The following DNAI4 variants were observed in gnomAD, a reference collection of about 807,000 sequenced individuals.
DNAI4 encodes the protein WD repeat domain 78.
In DNAI4, 85 loss-of-function variants were observed where a neutral mutation model predicts 105.8. That is an observed-to-expected ratio of 0.80 (90% CI 0.67 to 0.96). DNAI4 has a LOEUF of 0.96. Among genes scored for constraint, DNAI4 ranks in the 40% least tolerant of loss-of-function variants. DNAI4 has a pLI of 0.00. For missense variants in DNAI4, 1,014 were observed against 1,005.6 expected (o/e 1.01, Z -0.11); for synonymous variants, 352 against 331.5 (o/e 1.06, Z -0.67).
At chr1:66,924,215 G>C (rs34896951) in intron 1 of DNAI4, among the ~76,000 whole-genome samples, 1 of 152,242 alleles carries the variant, frequency 6.6e-6, no homozygotes, top group South Asian at 2.1e-4. Context: ...CTGTTGCTCA[G>C]GCTCGAGTGC....
chr1:66,856,954 A>G (rs567756863), intron 7 of DNAI4, among the ~76,000 whole-genome samples: 4 of 152,086 alleles, frequency 2.6e-5, no homozygotes, highest in African/African-American at 4.8e-5. Flanking sequence ...ATAAACCTAA[A>G]GCAAGCAGAA....
At chr1:66,814,421 T>G (rs1572571455) in intron 16 of DNAI4, among the ~76,000 whole-genome samples, 1 of 151,880 alleles carries the variant, frequency 6.6e-6, no homozygotes, top group Non-Finnish European at 1.5e-5. Context: ...CAGGCTGGAG[T>G]GCAGTGGTGC....
intron 9 of DNAI4, among the ~76,000 whole-genome samples, chr1:66,839,916 G>A (rs922071444): frequency 1.3e-5 from 2 of 152,098 alleles, no homozygotes. Flanking sequence ...AAAAATAATA[G>A]TACCTAATTC....
chr1:66,818,853 C>T (rs1358809604), intron 16 of DNAI4, among the ~76,000 whole-genome samples: 2 of 152,084 alleles, frequency 1.3e-5, no homozygotes, highest in African/African-American at 4.8e-5. Context: ...GCAGAGGTTG[C>T]AGTGAGCCAA....
rs144804148 is a variant in DNAI4, at chr1:66,845,499, T to C, written c.1291+1985A>G. 4.4e-4 allele frequency among the ~76,000 whole-genome samples: 67 copies of C among 152,296 alleles called. 2 individuals are homozygous for C. The East Asian group carries it at 6.8e-3, about 15-fold the overall frequency. ...TATTCCCAATAATCCAATAATCCCA[T>C]TTGTAGGTATTTTCACAAGAAAAAT... On this transcript the variant is annotated intron_variant, in intron 8 of 16. Transcript: ENST00000371026.
chr1:66,819,365 A>T (rs1253920872), intron 16 of DNAI4, among the ~76,000 whole-genome samples: 1 of 152,058 alleles, frequency 6.6e-6, no homozygotes, highest in Non-Finnish European at 1.5e-5. Context: ...TCCTCTTCCC[A>T]TTCACCTTCC....
In DNAI4 at chr1:66,827,798, A is replaced by AT; in HGVS notation, c.2112+13dup. 1 of 1,442,968 alleles carries AT rather than the reference A, an allele frequency of 6.9e-7. No homozygotes were observed. Among genetic ancestry groups the AT allele is most frequent in the Non-Finnish European group, 9.5e-7 (1 of 1,054,596 alleles). The allele number at this position is 1,442,968 out of a possible 1,614,324, so 89.4% of individuals were successfully genotyped here. On this transcript the variant is annotated intron_variant, in intron 14 of 16. Transcript: ENST00000371026. ...TACAAAATAAATGTTCCAACCTACT[A>AT]TAATTAAACTAACCTTATGTCCTCT...
intron 13 of DNAI4, 40 bp downstream of exon 13, chr1:66,833,545 A>G: frequency 6.2e-7 from 1 of 1,600,440 alleles, no homozygotes; most frequent in Non-Finnish European, 8.5e-7. Flanking sequence ...ATTTTTGGAA[A>G]TTGTTATGTC....
intron 8 of DNAI4, among the ~76,000 whole-genome samples, chr1:66,845,217 T>TAAAAA (rs869249698): frequency 2.9e-4 from 11 of 38,080 alleles, no homozygotes; most frequent in East Asian, 5.7e-4. Context: ...AAAGAAAAAT[T>TAAAAA]AAAAAAAAAA....
intron 10 of DNAI4, among the ~76,000 whole-genome samples, chr1:66,836,260 GAAAGAAAGAAAGAA>G (rs1557908808): frequency 0.024 from 399 of 16,312 alleles, 3 homozygotes; most frequent in Non-Finnish European, 0.036. Context: ...GAGAGAGAAA[GAAAGAAAGAAAGAA>G]AGAAAGAAAG....
chr1:66,885,638 G>C (rs1431357010), intron 4 of DNAI4, among the ~76,000 whole-genome samples: 1 of 151,976 alleles, frequency 6.6e-6, no homozygotes, highest in Admixed American at 6.6e-5. Flanking sequence ...CAGGAGAATC[G>C]CTTGAACCCA....
chr1:66,908,648 A>G (rs1649432099), intron 1 of DNAI4, among the ~76,000 whole-genome samples: 1 of 152,190 alleles, frequency 6.6e-6, no homozygotes, highest in Admixed American at 6.5e-5. Context: ...ATTTTGCAAT[A>G]ATACACTATA....
intron 13 of DNAI4, among the ~76,000 whole-genome samples, chr1:66,830,345 T>C (rs1397308930): frequency 6.6e-6 from 1 of 152,024 alleles, no homozygotes; most frequent in East Asian, 1.9e-4. Context: ...AAATTACTAA[T>C]ATTAGGAATC....
At chr1:66,886,817 T>C (rs1160715907) in intron 4 of DNAI4, among the ~76,000 whole-genome samples, 8 of 152,218 alleles carry the variant, frequency 5.3e-5, no homozygotes, top group East Asian at 1.9e-4. Flanking sequence ...ACATTTCCAA[T>C]GGAATTCCTT....
rs371974955 is a variant in DNAI4, at chr1:66,871,559, C to A, written c.801-50G>T. ...CTCATTAATAAGAATCATCACCACA[C>A]GTATTATCTCTTTATATTATTCTTT... is the stretch of plus-strand genomic sequence containing the variant. On this transcript the variant is annotated intron_variant, in intron 5 of 16. Transcript: ENST00000371026. 3.5e-6 allele frequency: 5 copies of A among 1,446,966 alleles called. No homozygotes were observed. In the African/African-American group the frequency reaches 5.7e-5, roughly 17 times the overall value. The allele number at this position is 1,446,966 out of a possible 1,614,324, so 89.6% of individuals were successfully genotyped here. A position where few individuals can be genotyped will look rare whatever the true frequency, so the allele number is the denominator to read the frequency against.
At chr1:66,842,718 A>C (rs968097499) in intron 8 of DNAI4, among the ~76,000 whole-genome samples, 3 of 152,116 alleles carry the variant, frequency 2.0e-5, no homozygotes, top group African/African-American at 7.2e-5. Context: ...TAGCTTTATA[A>C]GAAACTGCCA....
At chr1:66,911,443 C>G (rs946346775) in intron 1 of DNAI4, among the ~76,000 whole-genome samples, 1 of 152,162 alleles carries the variant, frequency 6.6e-6, no homozygotes, top group Non-Finnish European at 1.5e-5. Context: ...ACTTAACATT[C>G]AGCCTCTTTC....
chr1:66,841,789 C>T (rs1384510754), intron 8 of DNAI4, among the ~76,000 whole-genome samples: 1 of 152,122 alleles, frequency 6.6e-6, no homozygotes, highest in Non-Finnish European at 1.5e-5. Flanking sequence ...GAAGTCCCTC[C>T]AAGAATGTGC....
In DNAI4 at chr1:66,865,825, G is replaced by T. The variant is rs572968593; in HGVS notation, c.941-3523C>A. ...GTCACTTCTCTTTTCCTGGGAATGA[G>T]TAAATAATGTATAGAGAGAGGCCAG... is the stretch of plus-strand genomic sequence containing the variant. On this transcript the variant is annotated intron_variant, in intron 6 of 16. Transcript: ENST00000371026. Among the ~76,000 whole-genome samples the T allele has an allele frequency of 4.6e-4, 70 of 152,294 alleles. 2 individuals are homozygous for T. In the South Asian group the frequency reaches 0.014, roughly 31 times the overall value.
Sources: gnomAD v4.1 joint callset for allele counts (sites outside exome capture counted in the v4.1 genomes callset) on GRCh38, gnomAD v4.1.1 for gene constraint, MANE v1.5 for transcripts, NCBI Gene and HGNC (gene_info 2026-07-23, HGNC 2026-07-21) for gene names.